The following ENTPD8 variants were observed in gnomAD, a reference collection of about 807,000 sequenced individuals.
ENTPD8 encodes the protein ectonucleoside triphosphate diphosphohydrolase 8.
Under a neutral mutation model 47.0 loss-of-function variants are expected in ENTPD8, and 35 were observed. The observed-to-expected ratio is 0.75, with a 90% CI of 0.57 to 0.99. The LOEUF is 0.99. Ranked by LOEUF, ENTPD8 falls within the 50% of genes least tolerant of loss-of-function variation. ENTPD8 has a pLI of 0.00. For missense variants in ENTPD8, 668 were observed against 649.9 expected (o/e 1.03, Z -0.30); for synonymous variants, 308 against 290.5 (o/e 1.06, Z -0.61).
rs1193447947 is a variant in ENTPD8, at chr9:137,437,302, T to C, written c.252A>G (p.Gly84=). ...QALACQVEGP[G]ISSYTSNAAQ... ...CAGCATTAGAAGTGTAGGAGGAGAT[T>C]CCAGGCCCTGGAACAGCAGCCGGGG... Residue 84 remains glycine, a synonymous_variant, in exon 4 of 10, where the codon GGA becomes GGG. Transcript: ENST00000371506. 6.2e-7 allele frequency: 1 copy of C among 1,610,766 alleles called. No homozygotes were observed.
chr9:137,440,393 CCCCCAGACCAGGACAG>C, intron 1 of ENTPD8, among the ~76,000 whole-genome samples: 1 of 52,090 alleles, frequency 1.9e-5, no homozygotes, highest in Non-Finnish European at 3.5e-5. Context: ...ACCAGGACAG[CCCCCAGACCAGGACAG>C]CCCCCCCCAG....
At position 137,434,807 on chromosome 9, in the gene ENTPD8, G is replaced by T; in HGVS notation, c.*107C>A. ...TGGAGGTGGCTGTCACCTGACCGTG[G>T]GCAGAGCCACAGAGCAAGGCCCCAC... is the stretch of plus-strand genomic sequence containing the variant. On this transcript the variant is annotated 3_prime_UTR_variant, in exon 10 of 10. Coordinates refer to ENST00000371506, the MANE Select transcript of ENTPD8 (RefSeq NM_001033113.2). 7.4e-7 allele frequency: 1 copy of T among 1,359,546 alleles called. No individual in the cohort carries two copies. The highest frequency in any genetic ancestry group is 9.7e-7 in the Non-Finnish European group (1 of 1,026,594). 84.2% of individuals were successfully genotyped at this position (1,359,546 alleles called of 1,614,324 possible).
intron 1 of ENTPD8, 25 bp downstream of exon 1, chr9:137,441,261 C>A (rs1839521023): frequency 3.5e-6 from 1 of 289,314 alleles, no homozygotes; most frequent in African/African-American, 2.4e-5. Context: ...GACAGCCCCC[C>A]CAGGACATCC....
In ENTPD8 at chr9:137,438,183, C is replaced by T. The variant is rs770937585; in HGVS notation, c.103G>A (p.Val35Met). The change falls in exon 2 of 10, where the codon GTG (valine) becomes ATG (methionine). Residue 35 changes from valine to methionine, a missense_variant. By Grantham distance (21) the Val-to-Met change is conservative (BLOSUM62 1). Coordinates refer to ENST00000371506, the MANE Select transcript of ENTPD8 (RefSeq NM_001033113.2). This position sits in a 1 kb window ranked among gnomAD's most constrained non-coding sequence, Gnocchi z 5.7. Reference protein sequence around the residue: ...LILLLVEATSVLLPTDIKFGI... With the variant: ...LILLLVEATSMLLPTDIKFGI... ...ACCTTGATGTCTGTGGGCAGGAGCA[C>T]GCTGGTGGCCTCCACCAGGAGGAGA... The T allele has an allele frequency of 1.6e-5, 25 of 1,608,744 alleles. No homozygotes were observed. Among genetic ancestry groups the T allele is most frequent in the Admixed American group, 6.7e-5 (4 of 59,608 alleles).
chr9:137,438,783 C>T lies in ENTPD8; in HGVS notation c.-20-478G>A, dbSNP rs906404598. 2.0e-5 allele frequency among the ~76,000 whole-genome samples: 3 copies of T among 152,122 alleles called. No homozygotes were observed. Among genetic ancestry groups the T allele is most frequent in the South Asian group, 2.1e-4 (1 of 4,836 alleles). Reference sequence around the variant, plus strand: ...GGGGGGCGGGGGGCAGCAGAGGCCTCGTCTGGGGACACAGCCCCAGCAGGA... The same window carrying T: ...GGGGGGCGGGGGGCAGCAGAGGCCTTGTCTGGGGACACAGCCCCAGCAGGA... On this transcript the variant is annotated intron_variant, in intron 1 of 9. Transcript: ENST00000371506. This position sits in a 1 kb window ranked among gnomAD's most constrained non-coding sequence, Gnocchi z 5.7.
chr9:137,435,085 G>A lies in ENTPD8; in HGVS notation c.1317C>T (p.Gly439=). Residue 439 remains glycine, a synonymous_variant, in exon 10 of 10, where the codon GGC becomes GGT. Coordinates refer to ENST00000371506, the MANE Select transcript of ENTPD8 (RefSeq NM_001033113.2). ...FRKQAGGVDI[G]WTLGYMLNLT... ...GGTTCAGCATGTAGCCCAGTGTCCA[G>A]CCAATGTCCACACCGCCCGCCTGCG... 6.2e-7 allele frequency: 1 copy of A among 1,610,926 alleles called. No individual in the cohort carries two copies. The highest frequency in any genetic ancestry group is 1.1e-5 in the South Asian group (1 of 91,000).
chr9:137,439,170 C>T (rs868519949), intron 1 of ENTPD8, among the ~76,000 whole-genome samples: 3 of 152,326 alleles, frequency 2.0e-5, no homozygotes, highest in Middle Eastern at 3.4e-3. Flanking sequence ...TCTGCACCTT[C>T]TTAGCTGGTG....
Position 137,435,889 on chromosome 9 carries a change from C to A in ENTPD8, c.1051-60G>T, listed in dbSNP as rs1355672638. 15 of 1,606,336 alleles carry A rather than the reference C, an allele frequency of 9.3e-6. No homozygotes were observed. In the South Asian group the frequency reaches 1.2e-4, roughly 13 times the overall value. On this transcript the variant is annotated intron_variant, in intron 7 of 9. Coordinates refer to ENST00000371506, the MANE Select transcript of ENTPD8 (RefSeq NM_001033113.2). ...TGGCCACGCTGGGCCAGATCCACCC[C>A]ACCCGGGCTCCCAGAGCCCCTAAGA...
At chr9:137,435,413 T>C in intron 8 of ENTPD8, 75 bp from the exon 9 acceptor site, 2 of 1,536,150 alleles carry the variant, frequency 1.3e-6, no homozygotes, top group Non-Finnish European at 1.7e-6. Flanking sequence ...CCATCTGTCC[T>C]GGCCAACCTG....
rs1839287534 is a variant in ENTPD8 at position 137,434,724 on chromosome 9, G to C, written c.*190C>G. 1.3e-6 allele frequency: 1 copy of C among 754,352 alleles called. No homozygotes were observed. The highest frequency in any genetic ancestry group is 2.1e-6 in the Non-Finnish European group (1 of 486,408). 46.7% of individuals were successfully genotyped at this position (754,352 alleles called of 1,614,324 possible). On this transcript the variant is annotated 3_prime_UTR_variant, in exon 10 of 10. Transcript: ENST00000371506. ...CAGTTGCGGAAGGAGGTTGGGGGAGGGACGCCGGGAGGGGAGGTCATGCAG... is the reference window on the plus strand; with the variant it reads ...CAGTTGCGGAAGGAGGTTGGGGGAGCGACGCCGGGAGGGGAGGTCATGCAG...
In ENTPD8 at chr9:137,434,946, C is replaced by A. The variant is rs1317965385; in HGVS notation, c.1456G>T (p.Ala486Ser). Reference sequence around the variant, plus strand: ...TGCAACCAGAAGAGCTGGACCAAGGCAGCCCCCACCACCGCCACCAGGGCC... The same window carrying A: ...TGCAACCAGAAGAGCTGGACCAAGGAAGCCCCCACCACCGCCACCAGGGCC... ...VLALVAVVGA[A>S]LVQLFWLQD Residue 486 changes from alanine to serine, a missense_variant, in exon 10 of 10, where the codon GCC becomes TCC. Physicochemically the swap from Ala to Ser is moderately conservative, Grantham distance 99. Transcript: ENST00000371506. The A allele has an allele frequency of 1.9e-6, 3 of 1,612,128 alleles. No homozygotes were observed. The highest frequency in any genetic ancestry group is 2.5e-6 in the Non-Finnish European group (3 of 1,179,500).
chr9:137,438,451 T>G lies in ENTPD8; in HGVS notation c.-20-146A>C. 2 of 912,438 alleles carry G rather than the reference T, an allele frequency of 2.2e-6. No homozygotes were observed. The highest frequency in any genetic ancestry group is 4.1e-5 in the South Asian group (2 of 49,056). The allele number at this position is 912,438 out of a possible 1,614,324, so 56.5% of individuals were successfully genotyped here. A position where few individuals can be genotyped will look rare whatever the true frequency, so the allele number is the denominator to read the frequency against. On this transcript the variant is annotated intron_variant, in intron 1 of 9. Transcript: ENST00000371506. The surrounding 1 kb of genome is among the most constrained non-coding windows in gnomAD (Gnocchi z 5.7). ...GAGGCATCTCCGGGGCTCAGACGCC[T>G]CCCGTGGCCATAGAGGCATCCCCGG...
In ENTPD8 at chr9:137,436,898, C is replaced by T; in HGVS notation, c.526G>A (p.Val176Ile). ...QAEGAFGWIT[V>I]NYGLGTLVKY... is the part of the protein sequence containing the mutation. ...ACCAGCGTCCCCAAGCCGTAGTTGA[C>T]AGTGATCCAACCAAAGGCACCTTCG... is the stretch of plus-strand genomic sequence containing the variant. The change falls in exon 5 of 10, where the codon GTC becomes ATC. Residue 176 changes from valine (V) to isoleucine (I), a missense_variant. Transcript: ENST00000371506. 6.2e-7 allele frequency: 1 copy of T among 1,613,042 alleles called. No individual in the cohort carries two copies. Among genetic ancestry groups the T allele is most frequent in the South Asian group, 1.1e-5 (1 of 91,084 alleles).
intron 4 of ENTPD8, 36 bp downstream of exon 4, chr9:137,437,123 C>G: frequency 1.2e-6 from 2 of 1,605,084 alleles, no homozygotes; most frequent in Non-Finnish European, 1.7e-6. Flanking sequence ...CTTCTGCAGC[C>G]ACTCCCCGTG....
At position 137,436,171 on chromosome 9, in the gene ENTPD8, G is replaced by A. The variant is rs576820380; in HGVS notation, c.892C>T (p.Pro298Ser). ...GTGAGGTTCTGGGGGAGGCTCAGCG[G>A]GGGCGTGGCGTGGACACAGGGTGAC... Reference protein sequence around the residue: ...YESPCVHATPPLSLPQNLTVE... With the variant: ...YESPCVHATPSLSLPQNLTVE... The change falls in exon 7 of 10, where the codon CCG becomes TCG. Residue 298 changes from proline to serine, a missense_variant. Transcript: ENST00000371506. The A allele has an allele frequency of 1.4e-5, 23 of 1,612,934 alleles. No homozygotes were observed. The South Asian group carries it at 2.4e-4, about 17-fold the overall frequency.
At position 137,436,073 on chromosome 9, in the gene ENTPD8, C is replaced by T. The variant is rs767828689; in HGVS notation, c.990G>A (p.Gln330=). ...CGTCAAAGGCGCAGTCCTCCTGGCC[C>T]TGGCAGCTGGAGAAGTTGAAAAGTT... ...IRELFNFSSC[Q]GQEDCAFDGV... Residue 330 remains glutamine (Q), a synonymous_variant, in exon 7 of 10, where the codon CAG becomes CAA. Coordinates refer to ENST00000371506, the MANE Select transcript of ENTPD8 (RefSeq NM_001033113.2). 3.1e-6 allele frequency: 5 copies of T among 1,612,874 alleles called. No individual in the cohort carries two copies. The African/African-American group carries it at 5.3e-5, about 17-fold the overall frequency.
chr9:137,435,372 G>GC (rs1839314129), intron 8 of ENTPD8, 34 bp from the exon 9 acceptor site: 1 of 1,593,640 alleles, frequency 6.3e-7, no homozygotes, highest in African/African-American at 1.3e-5. Context: ...CGAGGTGAGG[G>GC]CCCCTGATCC....
chr9:137,434,931 A>G lies in ENTPD8; in HGVS notation c.1471T>C (p.Phe491Leu). The part of the protein sequence containing the change: ...AVVGAALVQL[F>L]WLQD ...CCTTCCCACTAGTCCTGCAACCAGA[A>G]GAGCTGGACCAAGGCAGCCCCCACC... Residue 491 changes from phenylalanine to leucine, a missense_variant, in exon 10 of 10, where the codon TTC becomes CTC. Coordinates refer to ENST00000371506, the MANE Select transcript of ENTPD8 (RefSeq NM_001033113.2). 3 of 1,611,088 alleles carry G rather than the reference A, an allele frequency of 1.9e-6. No homozygotes were observed. The highest frequency in any genetic ancestry group is 2.5e-6 in the Non-Finnish European group (3 of 1,178,932).
At chr9:137,435,686 TC>T in intron 8 of ENTPD8, 32 bp downstream of exon 8, 1 of 1,581,358 alleles carries the variant, frequency 6.3e-7, no homozygotes, top group Non-Finnish European at 8.7e-7. Flanking sequence ...TCAGGGACCC[TC>T]GCTGCAGCCA....
Sources: gnomAD v4.1 joint callset for allele counts (sites outside exome capture counted in the v4.1 genomes callset) on GRCh38, gnomAD v4.1.1 for gene constraint, Gnocchi (gnomAD v3.1) non-coding constraint, MANE v1.5 for transcripts, NCBI Gene and HGNC (gene_info 2026-07-23, HGNC 2026-07-21) for gene names.